L3MBTL3: variants seen among roughly 807,000 people sequenced by gnomAD.
L3MBTL3 encodes lethal(3)malignant brain tumor-like protein 3.
A neutral mutation model predicts 102.3 loss-of-function variants in L3MBTL3; 27 were observed. That is an observed-to-expected ratio of 0.26 (90% confidence interval 0.19 to 0.36). The LOEUF (loss-of-function observed/expected upper bound fraction) is 0.36, where lower values mean the gene tolerates loss of function less well. L3MBTL3 is among the 10% of genes least tolerant of loss of function. L3MBTL3 has a pLI of 1.00. For synonymous variants in L3MBTL3, 340 were observed against 320.9 expected (o/e 1.06, Z -0.64); for missense variants, 798 against 955.3 (o/e 0.84, Z 2.17).
intron 19 of L3MBTL3, among the ~76,000 whole-genome samples, chr6:130,107,363 A>C (rs1376516535): frequency 1.3e-5 from 2 of 152,192 alleles, no homozygotes; most frequent in African/African-American, 4.8e-5. Flanking sequence ...AGGATGCAGT[A>C]AGTCAGTTCC....
At chr6:130,042,216 CA>C (rs1370823749) in intron 2 of L3MBTL3, among the ~76,000 whole-genome samples, 10 of 152,122 alleles carry the variant, frequency 6.6e-5, no homozygotes, top group Admixed American at 2.0e-4. Context: ...GTTATCTTAA[CA>C]GAGCCTTTTT....
chr6:130,057,532 C>T lies in L3MBTL3; in HGVS notation c.759+35C>T, dbSNP rs369073990. 1.2e-5 allele frequency: 18 copies of T among 1,501,320 alleles called. No individual in the cohort carries two copies. The Admixed American group carries it at 1.9e-4, about 16-fold the overall frequency. 93.0% of individuals were successfully genotyped at this position (1,501,320 alleles called of 1,614,324 possible). ...CTTCTAGAGACGTGATCTGTAAGGG[C>T]GCAGGAGCTGGGATACCAGCCTGAA... On this transcript the variant is annotated intron_variant, in intron 9 of 22. Transcript: ENST00000361794.
chr6:130,030,659 T>C, intron 2 of L3MBTL3, among the ~76,000 whole-genome samples: 1 of 100,668 alleles, frequency 9.9e-6, no homozygotes, highest in Admixed American at 1.4e-4. Flanking sequence ...ACAGCAAGAC[T>C]CTACCTAAAA....
intron 18 of L3MBTL3, among the ~76,000 whole-genome samples, chr6:130,100,986 A>G (rs1784653485): frequency 6.6e-6 from 1 of 152,224 alleles, no homozygotes. Context: ...TGTAAGGCCA[A>G]GCGTATAACA....
At chr6:130,104,772 C>G (rs907540143) in intron 19 of L3MBTL3, among the ~76,000 whole-genome samples, 197 bp downstream of exon 19, 1 of 150,318 alleles carries the variant, frequency 6.7e-6, no homozygotes, top group African/African-American at 2.4e-5. Flanking sequence ...AAAAGCATGT[C>G]CAAATCAGGC....
At chr6:130,137,219 T>C (rs551576133) in intron 22 of L3MBTL3, among the ~76,000 whole-genome samples, 16 of 152,162 alleles carry the variant, frequency 1.1e-4, no homozygotes, top group Non-Finnish European at 1.8e-4. Context: ...AAATAGTGAA[T>C]AGTGGAAAGG....
At chr6:130,086,289 TATAAG>T (rs772651936) in intron 16 of L3MBTL3, 39 bp downstream of exon 16, 1 of 1,353,842 alleles carries the variant, frequency 7.4e-7, no homozygotes, top group Non-Finnish European at 1.0e-6. Context: ...TGTCTTTTGT[TATAAG>T]ATGTTTTAGA....
intron 11 of L3MBTL3, among the ~76,000 whole-genome samples, chr6:130,067,733 A>C (rs1035015637): frequency 6.6e-6 from 1 of 152,222 alleles, no homozygotes; most frequent in Non-Finnish European, 1.5e-5. Context: ...AAAATAAAGC[A>C]TATTCGCAGA....
At chr6:130,021,984 C>T (rs1204316484) in intron 1 of L3MBTL3, among the ~76,000 whole-genome samples, 2 of 152,160 alleles carry the variant, frequency 1.3e-5, no homozygotes, top group African/African-American at 2.4e-5. Context: ...ACCTGCCTGT[C>T]ATATACAACA....
intron 19 of L3MBTL3, among the ~76,000 whole-genome samples, chr6:130,106,687 C>A (rs570425026): frequency 1.3e-5 from 2 of 150,008 alleles, no homozygotes; most frequent in South Asian, 2.1e-4. Flanking sequence ...TCTTAGAATT[C>A]TTCTCCTAAT....
intron 2 of L3MBTL3, among the ~76,000 whole-genome samples, chr6:130,036,408 G>A (rs9388767): frequency 0.57 from 86,416 of 152,038 alleles, 28,199 homozygotes; most frequent in East Asian, 0.76. Flanking sequence ...CAGAATCTCT[G>A]CAAACCTTAG....
chr6:130,057,682 G>T (rs780226708), intron 9 of L3MBTL3, among the ~76,000 whole-genome samples, 185 bp downstream of exon 9: 21 of 152,156 alleles, frequency 1.4e-4, no homozygotes, highest in Non-Finnish European at 2.5e-4. Context: ...TGCCACACAT[G>T]TGCCATGTGT....
chr6:130,076,499 G>A (rs1782959648), intron 13 of L3MBTL3, among the ~76,000 whole-genome samples: 1 of 151,944 alleles, frequency 6.6e-6, no homozygotes, highest in African/African-American at 2.4e-5. Context: ...GGCCCTTTTA[G>A]AATTTACCGT....
intron 12 of L3MBTL3, among the ~76,000 whole-genome samples, chr6:130,069,022 A>ATC (rs1382603117): frequency 1.3e-5 from 2 of 152,242 alleles, no homozygotes; most frequent in Non-Finnish European, 2.9e-5. Context: ...CCAAAATGCC[A>ATC]TCTTTACAGA....
chr6:130,101,845 C>T (rs558212603), intron 18 of L3MBTL3, among the ~76,000 whole-genome samples: 18 of 152,266 alleles, frequency 1.2e-4, no homozygotes, highest in African/African-American at 4.3e-4. Flanking sequence ...AATTAGGATC[C>T]CGTGAAACAT....
intron 20 of L3MBTL3, among the ~76,000 whole-genome samples, chr6:130,123,911 A>G (rs1318336113): frequency 6.6e-6 from 1 of 152,148 alleles, no homozygotes; most frequent in Non-Finnish European, 1.5e-5. Context: ...TCAGTTCTTA[A>G]TAGAGCCCTG....
At chr6:130,117,662 G>T (rs1486335992) in intron 19 of L3MBTL3, among the ~76,000 whole-genome samples, 1 of 152,104 alleles carries the variant, frequency 6.6e-6, no homozygotes, top group Non-Finnish European at 1.5e-5. Context: ...CCTTATAGTA[G>T]AGAGAAATAA....
At position 130,060,024 on chromosome 6, in the gene L3MBTL3, T is replaced by C; in HGVS notation, c.760-12T>C. On this transcript the variant is annotated splice_polypyrimidine_tract_variant and intron_variant, in intron 9 of 22. Coordinates refer to ENST00000361794, the MANE Select transcript of L3MBTL3 (RefSeq NM_032438.4). The stretch of plus-strand genomic sequence containing the variant: ...GATAAGGGACTAAAACTGCTCTCAT[T>C]TTGCATTTTAGCATCAATCCTTTCC... 1.9e-6 allele frequency: 3 copies of C among 1,544,668 alleles called. No individual in the cohort carries two copies. Among genetic ancestry groups the C allele is most frequent in the Non-Finnish European group, 2.7e-6 (3 of 1,117,316 alleles).
At chr6:130,021,513 C>A (rs184832322) in intron 1 of L3MBTL3, among the ~76,000 whole-genome samples, 119 of 152,280 alleles carry the variant, frequency 7.8e-4, no homozygotes, top group African/African-American at 2.6e-3. Flanking sequence ...CAATTGTTTG[C>A]TTTTGCATTT....
Sources: gnomAD v4.1 joint callset for allele counts (sites outside exome capture counted in the v4.1 genomes callset) on GRCh38, gnomAD v4.1.1 for gene constraint, MANE v1.5 for transcripts, NCBI Gene and HGNC (gene_info 2026-07-23, HGNC 2026-07-21) for gene names.